MAN1C1: variants seen among roughly 807,000 people sequenced by gnomAD.
MAN1C1 encodes mannosyl-oligosaccharide 1,2-alpha-mannosidase IC.
A neutral mutation model predicts 71.5 loss-of-function variants in MAN1C1; 49 were observed. That is an observed-to-expected ratio of 0.69 (90% confidence interval 0.54 to 0.87). MAN1C1 has a LOEUF of 0.87. Among genes scored for constraint, MAN1C1 ranks in the 40% least tolerant of loss-of-function variants. The probability of loss-of-function intolerance (pLI) is 0.00; values close to 1 mark genes in which losing one functional copy is unlikely to be tolerated. For missense variants in MAN1C1, 743 were observed against 835.0 expected, an observed-to-expected ratio of 0.89 and a Z score of 1.36; for synonymous variants, 352 against 343.7, an observed-to-expected ratio of 1.02 and a Z score of -0.27.
intron 2 of MAN1C1, among the ~76,000 whole-genome samples, chr1:25,740,683 G>T (rs975991656): frequency 6.6e-6 from 1 of 152,086 alleles, no homozygotes; most frequent in East Asian, 1.9e-4. Context: ...TGATCCACCC[G>T]CCTTGGCCTC....
chr1:25,749,585 TCA>T (rs2047187365), intron 4 of MAN1C1, among the ~76,000 whole-genome samples: 1 of 152,120 alleles, frequency 6.6e-6, no homozygotes, highest in Non-Finnish European at 1.5e-5. Context: ...GCTGAATCTA[TCA>T]CACAAAGCAG....
chr1:25,675,588 G>GA (rs1553185436), intron 1 of MAN1C1, among the ~76,000 whole-genome samples: 2 of 140,076 alleles, frequency 1.4e-5, no homozygotes, highest in East Asian at 2.1e-4. Flanking sequence ...ATTTTGCGGG[G>GA]GGGGGGGGAG....
chr1:25,644,399 C>T lies in MAN1C1; in HGVS notation c.540+26062C>T, dbSNP rs552334769. 3.4e-5 allele frequency: 5 copies of T among 145,358 alleles called. No individual in the cohort carries two copies. The South Asian group carries it at 8.7e-4, about 25-fold the overall frequency. The allele number at this position is 145,358 out of a possible 1,614,324, so 9.0% of individuals were successfully genotyped here. The stretch of plus-strand genomic sequence containing the variant: ...AGGGGGAGAGGAGTTTAATGCTAGG[C>T]GTGATAAAAATGAGATGCTTGTGAA... On this transcript the variant is annotated intron_variant, in intron 1 of 11. Coordinates refer to ENST00000374332, the MANE Select transcript of MAN1C1 (RefSeq NM_020379.4).
chr1:25,748,011 C>T (rs2047160725), intron 3 of MAN1C1, among the ~76,000 whole-genome samples: 1 of 152,116 alleles, frequency 6.6e-6, no homozygotes, highest in South Asian at 2.1e-4. Flanking sequence ...CTGAGAATCC[C>T]CCCATTACCC....
At position 25,746,713 on chromosome 1, in the gene MAN1C1, A is replaced by G; in HGVS notation, c.683A>G (p.Tyr228Cys). The G allele has an allele frequency of 6.6e-7, 1 of 1,526,008 alleles. No homozygotes were observed. Among genetic ancestry groups the G allele is most frequent in the Non-Finnish European group, 8.9e-7 (1 of 1,125,784 alleles). 94.5% of individuals were successfully genotyped at this position (1,526,008 alleles called of 1,614,324 possible). Residue 228 changes from tyrosine to cysteine, a missense_variant, in exon 3 of 12, where the codon TAC becomes TGC. Tyr to Cys is a radical substitution (Grantham distance 194). Transcript: ENST00000374332. This position sits in a 1 kb window ranked among gnomAD's most constrained non-coding sequence, Gnocchi z 4.0. The part of the protein sequence containing the change: ...ATVIDSLDTL[Y>C]LMELKEEFQE... Reference sequence around the variant, plus strand: ...GTCATTGACTCCCTCGATACCCTCTACCTCATGGAGCTGAAGGAGGAGTTC... The same window carrying G: ...GTCATTGACTCCCTCGATACCCTCTGCCTCATGGAGCTGAAGGAGGAGTTC...
chr1:25,718,095 T>C (rs1301028952), intron 2 of MAN1C1, among the ~76,000 whole-genome samples: 1 of 152,208 alleles, frequency 6.6e-6, no homozygotes, highest in Admixed American at 6.5e-5. Flanking sequence ...TAACTTCCTA[T>C]GGCTGTGTAC....
intron 1 of MAN1C1, chr1:25,659,242 T>G (rs933682360): frequency 6.6e-6 from 1 of 152,226 alleles, no homozygotes; most frequent in African/African-American, 2.4e-5. Flanking sequence ...TCCAGGGTTA[T>G]CTCCCCACAC....
intron 1 of MAN1C1, among the ~76,000 whole-genome samples, chr1:25,673,458 A>G (rs2046022176): frequency 6.6e-6 from 1 of 152,138 alleles, no homozygotes; most frequent in Admixed American, 6.5e-5. Context: ...TTACCTGAAA[A>G]TGAGAGTAAT....
chr1:25,755,642 CTG>C (rs1337886009), intron 5 of MAN1C1, among the ~76,000 whole-genome samples: 1 of 152,184 alleles, frequency 6.6e-6, no homozygotes, highest in Non-Finnish European at 1.5e-5. Context: ...GGTAAAGAAA[CTG>C]AGGCTCAGAG....
intron 1 of MAN1C1, among the ~76,000 whole-genome samples, chr1:25,671,323 C>T (rs1344389751): frequency 6.6e-6 from 1 of 152,196 alleles, no homozygotes; most frequent in East Asian, 1.9e-4. Flanking sequence ...ACAGTAAGTG[C>T]TCAGTGGATG....
At chr1:25,708,848 C>T (rs2046563783) in intron 2 of MAN1C1, among the ~76,000 whole-genome samples, 1 of 152,020 alleles carries the variant, frequency 6.6e-6, no homozygotes, top group Admixed American at 6.6e-5. Context: ...TGCACCACTG[C>T]ACTCCAGCCT....
intron 1 of MAN1C1, among the ~76,000 whole-genome samples, chr1:25,666,208 T>C (rs983524851): frequency 6.6e-5 from 10 of 152,040 alleles, no homozygotes; most frequent in African/African-American, 2.2e-4. Context: ...CTCAGGAGGG[T>C]TTAGACTTTT....
At chr1:25,718,192 G>C (rs926481177) in intron 2 of MAN1C1, among the ~76,000 whole-genome samples, 4 of 152,048 alleles carry the variant, frequency 2.6e-5, no homozygotes, top group Non-Finnish European at 5.9e-5. Flanking sequence ...AATAATCGTC[G>C]TGTTTGTTTG....
rs1171353220 is a variant in MAN1C1, at chr1:25,686,422, T to C, written c.541-18T>C. 3.1e-6 allele frequency: 5 copies of C among 1,611,508 alleles called. No individual in the cohort carries two copies. The South Asian group carries it at 5.5e-5, about 18-fold the overall frequency. ...AATCGTCACACTGAGGTTCTCTCTA[T>C]GCTGCTTTTTCTTGCAGATGATGCA... is the stretch of plus-strand genomic sequence containing the variant. On this transcript the variant is annotated intron_variant, in intron 1 of 11. Coordinates refer to ENST00000374332, the MANE Select transcript of MAN1C1 (RefSeq NM_020379.4).
In MAN1C1 at chr1:25,690,744, C is replaced by T. The variant is rs569677400; in HGVS notation, c.637+4208C>T. Among the ~76,000 whole-genome samples the T allele has an allele frequency of 8.5e-5, 13 of 152,338 alleles. No homozygotes were observed. The East Asian group carries it at 1.9e-3, about 23-fold the overall frequency. On this transcript the variant is annotated intron_variant, in intron 2 of 11. Transcript: ENST00000374332. ...GGGCTGTGGAGTGGGGCAGGGGTCC[C>T]GCCTCCAGTCTGTGGTGAGGATTAG... is the stretch of plus-strand genomic sequence containing the variant.
At chr1:25,755,959 T>TG (rs1242395181) in intron 5 of MAN1C1, among the ~76,000 whole-genome samples, 2 of 152,178 alleles carry the variant, frequency 1.3e-5, no homozygotes, top group African/African-American at 4.8e-5. Context: ...CAGATGCATT[T>TG]GGGGCACAGA....
chr1:25,686,376 C>T (rs907112874), intron 1 of MAN1C1, 64 bp from the exon 2 acceptor site: 61 of 1,367,804 alleles, frequency 4.5e-5, no homozygotes, highest in African/African-American at 4.3e-4. Context: ...CAAAGCCAGG[C>T]GGCCAGTGCG....
At chr1:25,719,986 G>A (rs780987157) in intron 2 of MAN1C1, among the ~76,000 whole-genome samples, 1 of 152,030 alleles carries the variant, frequency 6.6e-6, no homozygotes, top group Non-Finnish European at 1.5e-5. Context: ...GTTTTGCCAT[G>A]TTGGCCAGGC....
At position 25,744,925 on chromosome 1, in the gene MAN1C1, G is replaced by A. The variant is rs114201098; in HGVS notation, c.638-1743G>A. ...CAGCCTCTGCAGGGAGGACACTGAA[G>A]GAACAATTACTCCTCTTAGGGTTAC... On this transcript the variant is annotated intron_variant, in intron 2 of 11. Coordinates refer to ENST00000374332, the MANE Select transcript of MAN1C1 (RefSeq NM_020379.4). Among the ~76,000 whole-genome samples, 378 of 152,322 alleles carry A rather than the reference G, an allele frequency of 2.5e-3. 2 individuals are homozygous for A. The highest frequency in any genetic ancestry group is 7.9e-3 in the African/African-American group (329 of 41,558).
Sources: gnomAD v4.1 joint callset for allele counts (sites outside exome capture counted in the v4.1 genomes callset) on GRCh38, gnomAD v4.1.1 for gene constraint, Gnocchi (gnomAD v3.1) non-coding constraint, MANE v1.5 for transcripts, NCBI Gene and HGNC (gene_info 2026-07-23, HGNC 2026-07-21) for gene names.